TNIK: variants seen among roughly 807,000 people sequenced by gnomAD.
TNIK encodes TRAF2 and NCK interacting kinase, also known as TRAF2 and NCK-interacting protein kinase.
In TNIK, 49 loss-of-function variants were observed where a neutral mutation model predicts 191.3. The ratio of observed to expected loss-of-function variants is 0.26; its 90% CI spans 0.20 to 0.32. The LOEUF (loss-of-function observed/expected upper bound fraction) is 0.32, where lower values mean the gene tolerates loss of function less well. TNIK is among the 10% of genes least tolerant of loss of function. The pLI is 1.00. For synonymous variants in TNIK, 594 were observed against 600.9 expected (o/e 0.99, Z 0.17); for missense variants, 1,155 against 1,702.3 (o/e 0.68, Z 5.66).
chr3:171,175,368 A>G, intron 8 of TNIK, 38 bp from the exon 9 acceptor site: 1 of 1,567,670 alleles, frequency 6.4e-7, no homozygotes, highest in Non-Finnish European at 8.7e-7. Context: ...TACAGTTAGG[A>G]GGCCAAACCC....
rs141840159 is a variant in TNIK, at chr3:171,446,961, C to T, written c.57+13046G>A. The stretch of plus-strand genomic sequence containing the variant: ...ATCCCAGCACTTTGGGAAGCTGAGG[C>T]GGGCGGATCACCTGAGGTCAGGGGT... On this transcript the variant is annotated intron_variant, in intron 1 of 32. Transcript: ENST00000436636. 3.4e-3 allele frequency among the ~76,000 whole-genome samples: 518 copies of T among 152,290 alleles called. 1 individual carries two copies. The highest frequency in any genetic ancestry group is 6.0e-3 in the South Asian group (29 of 4,822).
rs911497326 is a variant in TNIK at position 171,452,606 on chromosome 3, C to T, written c.57+7401G>A. 2.6e-5 allele frequency among the ~76,000 whole-genome samples: 4 copies of T among 152,042 alleles called. 1 individual carries two copies. Among genetic ancestry groups the T allele is most frequent in the Non-Finnish European group, 5.9e-5 (4 of 67,994 alleles). On this transcript the variant is annotated intron_variant, in intron 1 of 32. Transcript: ENST00000436636. ...ACTGCCAGCTCTGTCAAGATAAAAACTCAACGTTGTCTTCCAGTGGGCCAC... is the reference window on the plus strand; with the variant it reads ...ACTGCCAGCTCTGTCAAGATAAAAATTCAACGTTGTCTTCCAGTGGGCCAC...
chr3:171,141,017 T>C (rs1029246789), intron 12 of TNIK, among the ~76,000 whole-genome samples: 2 of 152,202 alleles, frequency 1.3e-5, no homozygotes, highest in African/African-American at 4.8e-5. Context: ...TCCCACCTAG[T>C]CTGCTACCTT....
At chr3:171,097,101 A>AGAGTT (rs1340884787) in intron 22 of TNIK, among the ~76,000 whole-genome samples, 1 of 152,216 alleles carries the variant, frequency 6.6e-6, no homozygotes, top group African/African-American at 2.4e-5. Context: ...TACAGGAAAA[A>AGAGTT]GAGTTAAACT....
Position 171,072,512 on chromosome 3 carries a change from A to G in TNIK, c.3449-1189T>C, listed in dbSNP as rs137968812. On this transcript the variant is annotated intron_variant, in intron 28 of 32. Transcript: ENST00000436636. ...GGAAAAAGCTAAGAGCATTCCCCCT[A>G]AGAACTGGAACAAGACAAGAATTTC... is the stretch of plus-strand genomic sequence containing the variant. 1.5e-3 allele frequency among the ~76,000 whole-genome samples: 226 copies of G among 152,212 alleles called. 1 individual carries two copies. The highest frequency in any genetic ancestry group is 5.3e-3 in the African/African-American group (222 of 41,540).
chr3:171,068,086 G>A (rs911183537), intron 30 of TNIK, among the ~76,000 whole-genome samples: 3 of 152,108 alleles, frequency 2.0e-5, no homozygotes, highest in Non-Finnish European at 1.5e-5. Context: ...TTACACACAG[G>A]ACACACACTT....
intron 3 of TNIK, among the ~76,000 whole-genome samples, chr3:171,224,289 GTAC>G (rs1742717596): frequency 6.6e-6 from 1 of 152,092 alleles, no homozygotes. Flanking sequence ...TGGCGGTTTG[GTAC>G]TACAACCCCA....
At chr3:171,073,526 CTTAA>C (rs1469844311) in intron 28 of TNIK, among the ~76,000 whole-genome samples, 5 of 152,180 alleles carry the variant, frequency 3.3e-5, no homozygotes, top group South Asian at 2.1e-4. Context: ...ACAAATGGGA[CTTAA>C]TTAATAAGCT....
chr3:171,116,062 A>G (rs1034205786), intron 18 of TNIK, among the ~76,000 whole-genome samples: 1 of 152,206 alleles, frequency 6.6e-6, no homozygotes. Context: ...TTGCTGCTGG[A>G]GACTGAAAGA....
chr3:171,277,770 A>G (rs956997218), intron 2 of TNIK, among the ~76,000 whole-genome samples: 3 of 152,334 alleles, frequency 2.0e-5, no homozygotes, highest in Middle Eastern at 3.4e-3. Context: ...TGCAAAACCT[A>G]AAATATTTAC....
chr3:171,258,533 C>A (rs1340326721), intron 2 of TNIK, among the ~76,000 whole-genome samples: 1 of 152,210 alleles, frequency 6.6e-6, no homozygotes, highest in African/African-American at 2.4e-5. Context: ...CTCCTCACAA[C>A]TGCCTGTAGC....
In TNIK at chr3:171,102,483, G is replaced by A. The variant is rs572966741; in HGVS notation, c.2407-850C>T. Among the ~76,000 whole-genome samples, 12 of 152,202 alleles carry A rather than the reference G, an allele frequency of 7.9e-5. No homozygotes were observed. The South Asian group carries it at 1.2e-3, about 16-fold the overall frequency. ...ACTGCAGGCAGTGTGCTGAATATCC[G>A]ACTACCTTTTATTTTACATGCTTTC... On this transcript the variant is annotated intron_variant, in intron 21 of 32. Transcript: ENST00000436636.
chr3:171,263,920 A>G (rs982573512), intron 2 of TNIK, among the ~76,000 whole-genome samples: 4 of 151,978 alleles, frequency 2.6e-5, no homozygotes, highest in African/African-American at 4.8e-5. Context: ...AGGCTGGAGT[A>G]CTGGGTGTGA....
At chr3:171,291,473 C>T (rs563527197) in intron 2 of TNIK, among the ~76,000 whole-genome samples, 2 of 152,068 alleles carry the variant, frequency 1.3e-5, no homozygotes, top group African/African-American at 4.8e-5. Context: ...ATATTTTTGC[C>T]TCTATTCTCA....
At chr3:171,121,583 A>G (rs916078753) in intron 18 of TNIK, among the ~76,000 whole-genome samples, 9 of 152,366 alleles carry the variant, frequency 5.9e-5, no homozygotes, top group African/African-American at 2.2e-4. Context: ...GTGCAACTGC[A>G]CGAGTGAGCC....
intron 2 of TNIK, among the ~76,000 whole-genome samples, chr3:171,355,804 T>C (rs1263170480): frequency 1.3e-5 from 2 of 152,178 alleles, no homozygotes; most frequent in African/African-American, 2.4e-5. Context: ...AGAGATTACA[T>C]CTCGGTATTG....
intron 28 of TNIK, among the ~76,000 whole-genome samples, chr3:171,074,030 C>CTTTT (rs71176590): frequency 6.9e-6 from 1 of 145,296 alleles, no homozygotes; most frequent in Non-Finnish European, 1.5e-5. Context: ...AGGAAAATAA[C>CTTTT]TTTTTTTTTT....
At chr3:171,305,730 T>A (rs1577414721) in intron 2 of TNIK, among the ~76,000 whole-genome samples, 2 of 152,080 alleles carry the variant, frequency 1.3e-5, no homozygotes, top group South Asian at 4.1e-4. Context: ...GCTGGTGAGG[T>A]TGCATGGAAA....
chr3:171,252,772 T>TG (rs1397111918), intron 2 of TNIK, among the ~76,000 whole-genome samples: 1 of 152,158 alleles, frequency 6.6e-6, no homozygotes, highest in Non-Finnish European at 1.5e-5. Flanking sequence ...AAGAAAATCA[T>TG]GGGGTAGTGG....
Sources: allele counts gnomAD v4.1 joint callset (sites outside exome capture counted in the v4.1 genomes callset), GRCh38; gene constraint gnomAD v4.1.1; transcripts MANE v1.5; gene names NCBI Gene and HGNC (gene_info 2026-07-23, HGNC 2026-07-21).